Variants in RBMS1 observed in about 807,000 individuals in gnomAD.
RBMS1 encodes the protein RNA binding motif single stranded interacting protein 1.
A neutral mutation model predicts 62.3 loss-of-function variants in RBMS1; 17 were observed. The observed-to-expected ratio is 0.27, with a 90% CI of 0.19 to 0.41. RBMS1 has a LOEUF of 0.41. RBMS1 is among the 10% of genes least tolerant of loss of function. The probability of loss-of-function intolerance (pLI) is 1.00; values close to 1 mark genes in which losing one functional copy is unlikely to be tolerated. For synonymous variants in RBMS1, 172 were observed against 170.0 expected (o/e 1.01, Z -0.09); for missense variants, 334 against 504.5 (o/e 0.66, Z 3.24).
intron 1 of RBMS1, among the ~76,000 whole-genome samples, chr2:160,491,141 T>G (rs1574126298): frequency 6.6e-6 from 1 of 152,162 alleles, no homozygotes; most frequent in Middle Eastern, 3.4e-3. Flanking sequence ...TTCCGAACTC[T>G]GCTTACCTAA....
chr2:160,441,330 T>C (rs1683401166), intron 1 of RBMS1, among the ~76,000 whole-genome samples: 1 of 152,260 alleles, frequency 6.6e-6, no homozygotes, highest in East Asian at 1.9e-4. Flanking sequence ...AACATCTTTA[T>C]GTAAGTCTTT....
At chr2:160,396,726 G>A (rs1695162801) in intron 1 of RBMS1, among the ~76,000 whole-genome samples, 1 of 151,764 alleles carries the variant, frequency 6.6e-6, no homozygotes, top group South Asian at 2.1e-4. Context: ...CACCAAGCCC[G>A]GCTGATTTTT....
chr2:160,317,843 C>T (rs1690312625), intron 3 of RBMS1, among the ~76,000 whole-genome samples: 1 of 152,204 alleles, frequency 6.6e-6, no homozygotes, highest in African/African-American at 2.4e-5. Context: ...CTAATCTCCT[C>T]AGGCTCAGGA....
intron 1 of RBMS1, among the ~76,000 whole-genome samples, chr2:160,447,202 T>C (rs1313815335): frequency 2.6e-5 from 4 of 152,136 alleles, no homozygotes; most frequent in African/African-American, 9.7e-5. Context: ...GGTCCGAGAA[T>C]GTGGCCACCT....
chr2:160,276,339 TACCACCACCACC>T (rs373432177), intron 12 of RBMS1, among the ~76,000 whole-genome samples: 36 of 150,844 alleles, frequency 2.4e-4, no homozygotes, highest in African/African-American at 8.6e-4. Flanking sequence ...AAAATACTAC[TACCACCACCACC>T]ACCACCACCA....
intron 1 of RBMS1, among the ~76,000 whole-genome samples, chr2:160,377,357 A>C (rs1694055091): frequency 6.6e-6 from 1 of 152,228 alleles, no homozygotes; most frequent in Non-Finnish European, 1.5e-5. Context: ...AGTGGTCAGC[A>C]GCGTTTCTCA....
chr2:160,482,062 T>C (rs1315090433), intron 1 of RBMS1, among the ~76,000 whole-genome samples: 1 of 152,096 alleles, frequency 6.6e-6, no homozygotes, highest in Non-Finnish European at 1.5e-5. Context: ...ATCCAAATGC[T>C]CATTAATAAT....
intron 1 of RBMS1, among the ~76,000 whole-genome samples, chr2:160,381,833 C>T (rs1053234216): frequency 1.3e-5 from 2 of 152,206 alleles, no homozygotes; most frequent in Admixed American, 1.3e-4. Context: ...AGTGACACGG[C>T]CTTCCTTCCT....
rs567344990 is a variant in RBMS1 at position 160,493,185 on chromosome 2, G to A, written c.75+104C>T. 3.1e-5 allele frequency: 35 copies of A among 1,125,094 alleles called. No individual in the cohort carries two copies. The African/African-American group carries it at 4.2e-4, about 14-fold the overall frequency. 69.7% of individuals were successfully genotyped at this position (1,125,094 alleles called of 1,614,324 possible). On this transcript the variant is annotated intron_variant, in intron 1 of 13. Coordinates refer to ENST00000348849, the MANE Select transcript of RBMS1 (RefSeq NM_016836.4). ...TAGCAACCTTCCAGCAACTCCGCCC[G>A]GCGGTGGCGGGGGTTCGCCGCGCGC...
chr2:160,426,314 G>A (rs1312806101), intron 1 of RBMS1, among the ~76,000 whole-genome samples: 3 of 88,926 alleles, frequency 3.4e-5, no homozygotes, highest in Non-Finnish European at 8.0e-5. Flanking sequence ...AGGAAGGAAG[G>A]AAGGAAGGAA....
chr2:160,326,863 T>C (rs1349236947), intron 2 of RBMS1, among the ~76,000 whole-genome samples: 2 of 152,312 alleles, frequency 1.3e-5, no homozygotes, highest in Middle Eastern at 3.4e-3. Context: ...AAATAATCCA[T>C]GGTATCTGTG....
chr2:160,388,637 C>G (rs1051566340), intron 1 of RBMS1, among the ~76,000 whole-genome samples: 2 of 152,198 alleles, frequency 1.3e-5, no homozygotes, highest in South Asian at 2.1e-4. Flanking sequence ...TGACTTGTCA[C>G]TCCCCAGCAG....
At chr2:160,297,425 G>C (rs1355662548) in intron 6 of RBMS1, among the ~76,000 whole-genome samples, 1 of 152,246 alleles carries the variant, frequency 6.6e-6, no homozygotes, top group African/African-American at 2.4e-5. Flanking sequence ...TGGTGTTACA[G>C]TGTAGTAAAA....
intron 2 of RBMS1, among the ~76,000 whole-genome samples, chr2:160,339,976 C>T (rs1691783393): frequency 1.3e-5 from 2 of 152,160 alleles, no homozygotes; most frequent in Non-Finnish European, 2.9e-5. Flanking sequence ...ACACACATAA[C>T]ATGTACAAAT....
At chr2:160,467,027 T>C (rs1326149939) in intron 1 of RBMS1, among the ~76,000 whole-genome samples, 1 of 152,180 alleles carries the variant, frequency 6.6e-6, no homozygotes, top group Non-Finnish European at 1.5e-5. Flanking sequence ...TCTCCTTGTC[T>C]CTTTTCCCAA....
intron 1 of RBMS1, among the ~76,000 whole-genome samples, chr2:160,382,911 T>A (rs1194144885): frequency 6.6e-6 from 1 of 152,152 alleles, no homozygotes; most frequent in African/African-American, 2.4e-5. Flanking sequence ...TCAGTTCACA[T>A]GTAGAGCCAT....
At chr2:160,325,024 C>T (rs1320745102) in intron 2 of RBMS1, among the ~76,000 whole-genome samples, 1 of 151,402 alleles carries the variant, frequency 6.6e-6, no homozygotes, top group East Asian at 1.9e-4. Context: ...AACTCAGGAG[C>T]AGAGTCAGTA....
rs1687693131 is a variant in RBMS1, at chr2:160,273,860, T to C, written c.*912A>G. 3 of 152,312 alleles carry C rather than the reference T, an allele frequency of 2.0e-5. No homozygotes were observed. In the South Asian group the frequency reaches 6.2e-4, roughly 31 times the overall value. 9.4% of individuals were successfully genotyped at this position (152,312 alleles called of 1,614,324 possible). ...TCAGTCAAACTATCAGAGGAAACTG[T>C]TGGCGTACAGCCTTACAAACAATTT... On this transcript the variant is annotated 3_prime_UTR_variant, in exon 14 of 14. Coordinates refer to ENST00000348849, the MANE Select transcript of RBMS1 (RefSeq NM_016836.4).
At chr2:160,381,816 A>G (rs186807213) in intron 1 of RBMS1, among the ~76,000 whole-genome samples, 4 of 152,368 alleles carry the variant, frequency 2.6e-5, no homozygotes, top group East Asian at 1.9e-4. Flanking sequence ...GCAAAACAGT[A>G]CAACTGAGTG....
Sources: gnomAD v4.1 joint callset for allele counts (sites outside exome capture counted in the v4.1 genomes callset) on GRCh38, gnomAD v4.1.1 for gene constraint, MANE v1.5 for transcripts, NCBI Gene and HGNC (gene_info 2026-07-23, HGNC 2026-07-21) for gene names.